Variants in SLC25A42 observed in about 807,000 individuals in gnomAD.
The protein encoded by SLC25A42 is mitochondrial coenzyme A transporter SLC25A42.
SLC25A42 carries 19 observed loss-of-function variants against 34.7 expected under a neutral mutation model. The ratio of observed to expected loss-of-function variants is 0.55; its 90% confidence interval spans 0.38 to 0.80. The LOEUF is 0.80. Ranked by LOEUF, SLC25A42 falls within the 30% of genes least tolerant of loss-of-function variation. The pLI is 0.00. For synonymous variants in SLC25A42, 205 were observed against 191.2 expected, an observed-to-expected ratio of 1.07 and a Z score of -0.59; for missense variants, 364 against 441.3, an observed-to-expected ratio of 0.82 and a Z score of 1.57.
In SLC25A42 at chr19:19,110,860, G is replaced by A. The variant is rs529307843; in HGVS notation, c.941G>A (p.Arg314Gln). The change falls in exon 8 of 8, where the codon CGG becomes CAG. Residue 314 changes from arginine to glutamine, a missense_variant. Coordinates refer to ENST00000318596, the MANE Select transcript of SLC25A42 (RefSeq NM_178526.5). Reference sequence around the variant, plus strand: ...TTCGACCTCATGCAGATCCTGCTGCGGCACCTGCAGAGCTAGGGGACCCTG... The same window carrying A: ...TTCGACCTCATGCAGATCCTGCTGCAGCACCTGCAGAGCTAGGGGACCCTG... ...TTFDLMQILL[R>Q]HLQS 5 of 1,613,842 alleles carry A rather than the reference G, an allele frequency of 3.1e-6. No individual in the cohort carries two copies. Among genetic ancestry groups the A allele is most frequent in the Non-Finnish European group, 4.2e-6 (5 of 1,179,996 alleles).
At chr19:19,099,871 G>T (rs576121714) in intron 2 of SLC25A42, among the ~76,000 whole-genome samples, 1 of 151,910 alleles carries the variant, frequency 6.6e-6, no homozygotes, top group Non-Finnish European at 1.5e-5. Flanking sequence ...AGGATTACAG[G>T]CACCCACCAC....
At chr19:19,103,021 C>T (rs370688678) in intron 3 of SLC25A42, among the ~76,000 whole-genome samples, 5 of 152,156 alleles carry the variant, frequency 3.3e-5, no homozygotes, top group African/African-American at 1.2e-4. Flanking sequence ...GCTCCAATTT[C>T]TGCCTCTGTC....
chr19:19,101,397 G>A (rs992564648), intron 2 of SLC25A42, among the ~76,000 whole-genome samples: 5 of 152,130 alleles, frequency 3.3e-5, no homozygotes, highest in Admixed American at 6.5e-5. Flanking sequence ...TGACCCCAAC[G>A]GTCCCTGGTG....
rs764779023 is a variant in SLC25A42, at chr19:19,106,305, A to T, written c.417A>T (p.Ala139=). Residue 139 remains alanine (A), a synonymous_variant, in exon 6 of 8, where the codon GCA becomes GCT. Coordinates refer to ENST00000318596, the MANE Select transcript of SLC25A42 (RefSeq NM_178526.5). ...LPPWPRLFAG[A]LAGTTAASLT... Reference sequence around the variant, plus strand: ...CTTGGCCTCGCCTCTTCGCCGGCGCACTGGCTGGAACGACAGCCGCTTCAC... The same window carrying T: ...CTTGGCCTCGCCTCTTCGCCGGCGCTCTGGCTGGAACGACAGCCGCTTCAC... 4 of 1,613,180 alleles carry T rather than the reference A, an allele frequency of 2.5e-6. No homozygotes were observed. Among genetic ancestry groups the T allele is most frequent in the Non-Finnish European group, 3.4e-6 (4 of 1,179,924 alleles).
intron 2 of SLC25A42, among the ~76,000 whole-genome samples, chr19:19,099,606 C>A (rs2059783805): frequency 6.6e-6 from 1 of 152,166 alleles, no homozygotes; most frequent in Non-Finnish European, 1.5e-5. Context: ...GTGGGGGCAA[C>A]CATGCTCAGT....
intron 1 of SLC25A42, among the ~76,000 whole-genome samples, chr19:19,064,364 C>A (rs1238533977): frequency 6.6e-6 from 1 of 151,746 alleles, no homozygotes; most frequent in African/African-American, 2.4e-5. Context: ...ATCTCCCACA[C>A]CCCTGGGGCC....
Position 19,096,154 on chromosome 19 carries a change from G to A in SLC25A42, c.30G>A (p.Val10=). The A allele has an allele frequency of 1.9e-6, 3 of 1,613,538 alleles. No homozygotes were observed. Among genetic ancestry groups the A allele is most frequent in the Non-Finnish European group, 2.5e-6 (3 of 1,179,988 alleles). ...GTAATGGTGTGAAGGAAGGCCCGGT[G>A]CGATTGCATGAGGATGCTGAGGCTG... The part of the protein sequence containing the change: MGNGVKEGP[V]RLHEDAEAVL... Residue 10 remains valine (V), a synonymous_variant, in exon 2 of 8, where the codon GTG becomes GTA. Transcript: ENST00000318596.
intron 1 of SLC25A42, among the ~76,000 whole-genome samples, chr19:19,068,122 G>A (rs950490795): frequency 3.0e-4 from 46 of 152,142 alleles, no homozygotes; most frequent in Admixed American, 2.2e-3. Context: ...TTGGGAGGCC[G>A]AGGCGGGCAG....
intron 7 of SLC25A42, among the ~76,000 whole-genome samples, chr19:19,108,613 T>C (rs2059846929): frequency 6.6e-6 from 1 of 151,662 alleles, no homozygotes; most frequent in Non-Finnish European, 1.5e-5. Flanking sequence ...ATACCTCACC[T>C]CTTCACGAGC....
chr19:19,076,183 C>A (rs1457517073), intron 1 of SLC25A42, among the ~76,000 whole-genome samples: 1 of 152,146 alleles, frequency 6.6e-6, no homozygotes, highest in Non-Finnish European at 1.5e-5. Context: ...GTATTCTCGG[C>A]CAGGTGTAGT....
intron 1 of SLC25A42, among the ~76,000 whole-genome samples, chr19:19,074,177 T>C (rs1013212774): frequency 6.6e-6 from 1 of 152,190 alleles, no homozygotes; most frequent in East Asian, 1.9e-4. Flanking sequence ...GATCATAGAA[T>C]TTCCTGGATC....
rs896575310 is a variant in SLC25A42 at position 19,064,051 on chromosome 19, G to C, written c.-99G>C. The C allele has an allele frequency of 3.3e-5, 5 of 152,746 alleles. No individual in the cohort carries two copies. Among genetic ancestry groups the C allele is most frequent in the Non-Finnish European group, 5.9e-5 (4 of 68,322 alleles). The allele number at this position is 152,746 out of a possible 1,614,324, so 9.5% of individuals were successfully genotyped here. A position where few individuals can be genotyped will look rare whatever the true frequency, so the allele number is the denominator to read the frequency against. ...GGCGGCGACGCGTCCGGGCCGGTGA[G>C]GGGGCGCGGGGGGCGCCGGGGGGGC... On this transcript the variant is annotated 5_prime_UTR_variant, in exon 1 of 8. Transcript: ENST00000318596.
At position 19,109,494 on chromosome 19, in the gene SLC25A42, G is replaced by A. The variant is rs573593621; in HGVS notation, c.650-1075G>A. ...CGCCCAGGCTGGAGTGCAGTGGAAC[G>A]ATCTCAGCTCACTGCAACCTCCACT... On this transcript the variant is annotated intron_variant, in intron 7 of 7. Coordinates refer to ENST00000318596, the MANE Select transcript of SLC25A42 (RefSeq NM_178526.5). This position sits in a 1 kb window ranked among gnomAD's most constrained non-coding sequence, Gnocchi z 4.1. Among the ~76,000 whole-genome samples the A allele has an allele frequency of 6.6e-6, 1 of 152,208 alleles. No individual in the cohort carries two copies. The highest frequency in any genetic ancestry group is 2.4e-5 in the African/African-American group (1 of 41,530).
At position 19,111,138 on chromosome 19, in the gene SLC25A42, T is replaced by C. The variant is rs917528601; in HGVS notation, c.*262T>C. 5.6e-6 allele frequency: 3 copies of C among 532,720 alleles called. No homozygotes were observed. The highest frequency in any genetic ancestry group is 1.0e-5 in the Non-Finnish European group (3 of 298,602). The allele number at this position is 532,720 out of a possible 1,614,324, so 33.0% of individuals were successfully genotyped here. On this transcript the variant is annotated 3_prime_UTR_variant, in exon 8 of 8. Coordinates refer to ENST00000318596, the MANE Select transcript of SLC25A42 (RefSeq NM_178526.5). ...TTCCTCTGCAGACGCTGGCGCTGTC[T>C]GCCGGAGGTGTTGCCCAAAAGGCCC...
intron 1 of SLC25A42, among the ~76,000 whole-genome samples, chr19:19,092,053 C>T (rs538848675): frequency 9.9e-5 from 15 of 152,248 alleles, no homozygotes; most frequent in African/African-American, 3.6e-4. Flanking sequence ...AGAAGCAGGC[C>T]GCTCTTGTGC....
At chr19:19,102,798 T>C (rs1292021138) in intron 3 of SLC25A42, among the ~76,000 whole-genome samples, 1 of 151,896 alleles carries the variant, frequency 6.6e-6, no homozygotes, top group Non-Finnish European at 1.5e-5. Context: ...CCACTTCGAA[T>C]CTGTACGAGT....
rs1294140775 is a variant in SLC25A42 at position 19,112,102 on chromosome 19, T to G, written c.*1226T>G. On this transcript the variant is annotated 3_prime_UTR_variant, in exon 8 of 8. Transcript: ENST00000318596. This position sits in a 1 kb window ranked among gnomAD's most constrained non-coding sequence, Gnocchi z 4.3. ...TGATTTCTTTTTTTTGTTTGTTTTG[T>G]TTTGGTTTTCAACTTGGCTGACCCC... 6.6e-6 allele frequency: 1 copy of G among 152,202 alleles called. No individual in the cohort carries two copies. Among genetic ancestry groups the G allele is most frequent in the Non-Finnish European group, 1.5e-5 (1 of 68,062 alleles). The allele number at this position is 152,202 out of a possible 1,614,324, so 9.4% of individuals were successfully genotyped here.
intron 1 of SLC25A42, among the ~76,000 whole-genome samples, chr19:19,086,918 TCAAA>T (rs915335394): frequency 2.6e-5 from 4 of 151,990 alleles, no homozygotes; most frequent in African/African-American, 7.2e-5. Context: ...ATTACTGCAG[TCAAA>T]CAAACTACAA....
chr19:19,068,232 G>A (rs1011419785), intron 1 of SLC25A42, among the ~76,000 whole-genome samples: 2 of 151,744 alleles, frequency 1.3e-5, no homozygotes, highest in Non-Finnish European at 2.9e-5. Context: ...GCATGCGCCT[G>A]TAATCCTAGC....
Sources: gnomAD v4.1 joint callset for allele counts (sites outside exome capture counted in the v4.1 genomes callset) on GRCh38, gnomAD v4.1.1 for gene constraint, Gnocchi (gnomAD v3.1) non-coding constraint, MANE v1.5 for transcripts, NCBI Gene and HGNC (gene_info 2026-07-23, HGNC 2026-07-21) for gene names.